The following ANKRD6 variants were observed in gnomAD, a reference collection of about 807,000 sequenced individuals.
ANKRD6 encodes ankyrin repeat domain 6, also known as ankyrin repeat domain-containing protein 6.
ANKRD6 carries 56 observed loss-of-function variants against 82.3 expected under a neutral mutation model. That is an observed-to-expected ratio of 0.68 (90% CI 0.55 to 0.85). The LOEUF (loss-of-function observed/expected upper bound fraction) is 0.85. Among genes scored for constraint, ANKRD6 ranks in the 40% least tolerant of loss-of-function variants. The pLI, the probability that ANKRD6 is intolerant of heterozygous loss-of-function variation, is 0.00. For synonymous variants in ANKRD6, 347 were observed against 352.1 expected (o/e 0.99, Z 0.16); for missense variants, 852 against 907.6 (o/e 0.94, Z 0.79).
At chr6:89,493,221 G>T (rs1778210495) in intron 1 of ANKRD6, among the ~76,000 whole-genome samples, 1 of 152,100 alleles carries the variant, frequency 6.6e-6, no homozygotes, top group Non-Finnish European at 1.5e-5. Context: ...AAATCAATGT[G>T]TTGCAGGGCC....
At chr6:89,469,546 C>G (rs1292186590) in intron 1 of ANKRD6, among the ~76,000 whole-genome samples, 1 of 152,198 alleles carries the variant, frequency 6.6e-6, no homozygotes, top group Non-Finnish European at 1.5e-5. Context: ...CCCTGGTGAT[C>G]TGTATAGTCT....
chr6:89,504,644 A>G (rs1478448853), intron 1 of ANKRD6, among the ~76,000 whole-genome samples: 1 of 152,176 alleles, frequency 6.6e-6, no homozygotes, highest in African/African-American at 2.4e-5. Flanking sequence ...GACTCAAGCA[A>G]TCCTCCTTTC....
At chr6:89,552,184 TG>T (rs1785945692) in intron 1 of ANKRD6, among the ~76,000 whole-genome samples, 1 of 152,240 alleles carries the variant, frequency 6.6e-6, no homozygotes, top group South Asian at 2.1e-4. Flanking sequence ...AGATGCTGAC[TG>T]AAGATAAGCT....
At chr6:89,626,757 C>T (rs1156552962) in intron 13 of ANKRD6, among the ~76,000 whole-genome samples, 1 of 152,116 alleles carries the variant, frequency 6.6e-6, no homozygotes, top group Non-Finnish European at 1.5e-5. Context: ...TGTAGGGGTC[C>T]CACAGGAAAT....
At chr6:89,613,581 T>G (rs1800768918) in intron 6 of ANKRD6, among the ~76,000 whole-genome samples, 2 of 152,314 alleles carry the variant, frequency 1.3e-5, no homozygotes, top group South Asian at 2.1e-4. Context: ...ACCACGTGGT[T>G]GTTCTGCACA....
intron 2 of ANKRD6, among the ~76,000 whole-genome samples, chr6:89,587,370 T>A (rs1793972433): frequency 6.6e-6 from 1 of 151,956 alleles, no homozygotes; most frequent in African/African-American, 2.4e-5. Flanking sequence ...ATGCCTGTAG[T>A]CCTAGCTACA....
chr6:89,476,041 T>A (rs1304472246), intron 1 of ANKRD6, among the ~76,000 whole-genome samples: 2 of 152,248 alleles, frequency 1.3e-5, no homozygotes, highest in African/African-American at 4.8e-5. Context: ...TGAAAAGTGT[T>A]ATAATATTAA....
chr6:89,597,019 GT>G (rs941432084), intron 3 of ANKRD6, among the ~76,000 whole-genome samples: 22 of 152,248 alleles, frequency 1.4e-4, no homozygotes, highest in Admixed American at 9.2e-4. Flanking sequence ...CTACAGTGTG[GT>G]TTACTAAAGT....
At chr6:89,440,849 A>G (rs1186992283) in intron 1 of ANKRD6, among the ~76,000 whole-genome samples, 2 of 152,008 alleles carry the variant, frequency 1.3e-5, no homozygotes, top group Non-Finnish European at 2.9e-5. Flanking sequence ...TTGGCAAATT[A>G]TAGCCATGGC....
At chr6:89,540,350 C>T (rs113551820) in intron 1 of ANKRD6, among the ~76,000 whole-genome samples, 8,281 of 152,148 alleles carry the variant, frequency 0.054, 275 homozygotes, top group South Asian at 0.13. Context: ...GATGATATCT[C>T]GTAGTTTTGG....
intron 1 of ANKRD6, among the ~76,000 whole-genome samples, chr6:89,512,102 G>A (rs1355178855): frequency 6.6e-6 from 1 of 152,116 alleles, no homozygotes; most frequent in East Asian, 1.9e-4. Flanking sequence ...TGATTGTGGG[G>A]TTACCTTGAC....
At chr6:89,596,737 G>A (rs1008696365) in intron 3 of ANKRD6, among the ~76,000 whole-genome samples, 1 of 152,184 alleles carries the variant, frequency 6.6e-6, no homozygotes, top group African/African-American at 2.4e-5. Context: ...ACAGTGGGCT[G>A]CCCTACTGGG....
At chr6:89,518,979 T>C (rs1214840469) in intron 1 of ANKRD6, among the ~76,000 whole-genome samples, 2 of 152,202 alleles carry the variant, frequency 1.3e-5, no homozygotes, top group Admixed American at 1.3e-4. Context: ...TGTGTTCTCA[T>C]GTGGCTTTAT....
intron 1 of ANKRD6, among the ~76,000 whole-genome samples, chr6:89,450,259 C>T (rs983700360): frequency 5.9e-5 from 9 of 151,946 alleles, no homozygotes; most frequent in African/African-American, 2.2e-4. Flanking sequence ...ATCACTTGAA[C>T]CCAGGAGGTG....
At chr6:89,464,959 TACAA>T (rs1045234772) in intron 1 of ANKRD6, among the ~76,000 whole-genome samples, 9 of 152,038 alleles carry the variant, frequency 5.9e-5, no homozygotes, top group African/African-American at 2.2e-4. Flanking sequence ...ATAATCTGAG[TACAA>T]ACAAAGACAC....
intron 3 of ANKRD6, chr6:89,598,408 A>G: frequency 3.0e-6 from 3 of 985,360 alleles, no homozygotes; most frequent in Non-Finnish European, 3.6e-6. Flanking sequence ...GAAGGACCCT[A>G]GAAGATCAGA....
chr6:89,436,055 A>G (rs1010553356), intron 1 of ANKRD6, among the ~76,000 whole-genome samples: 2 of 152,186 alleles, frequency 1.3e-5, no homozygotes, highest in Non-Finnish European at 2.9e-5. Flanking sequence ...AGTAGTTAGT[A>G]ATTTTTTCAC....
intron 15 of ANKRD6, 188 bp downstream of exon 15, chr6:89,629,426 C>T (rs780907542): frequency 1.2e-5 from 9 of 768,178 alleles, no homozygotes; most frequent in Non-Finnish European, 1.7e-5. Flanking sequence ...AATAATAAAG[C>T]ACTCATTTAT....
At chr6:89,466,126 A>G (rs1774819564) in intron 1 of ANKRD6, among the ~76,000 whole-genome samples, 1 of 152,166 alleles carries the variant, frequency 6.6e-6, no homozygotes, top group Admixed American at 6.5e-5. Context: ...TTGTCCCCTA[A>G]TAATATATCA....
Sources: allele counts gnomAD v4.1 joint callset (sites outside exome capture counted in the v4.1 genomes callset), GRCh38; gene constraint gnomAD v4.1.1; transcripts MANE v1.5; gene names NCBI Gene and HGNC (gene_info 2026-07-23, HGNC 2026-07-21).